Variants in ADGRL2 observed in about 807,000 individuals in gnomAD.
ADGRL2 encodes the protein adhesion G protein-coupled receptor L2.
A neutral mutation model predicts 157.4 loss-of-function variants in ADGRL2; 44 were observed. The observed-to-expected ratio is 0.28, with a 90% CI of 0.22 to 0.36. The LOEUF is 0.36. ADGRL2 is among the 10% of genes least tolerant of loss of function. The pLI, the probability that ADGRL2 is intolerant of heterozygous loss-of-function variation, is 1.00. For missense variants in ADGRL2, 1,510 were observed against 1,768.9 expected (o/e 0.85, Z 2.63); for synonymous variants, 585 against 624.7 (o/e 0.94, Z 0.95).
intron 1 of ADGRL2, among the ~76,000 whole-genome samples, chr1:81,401,977 G>A (rs1168847578): frequency 6.6e-6 from 1 of 150,452 alleles, no homozygotes; most frequent in Non-Finnish European, 1.5e-5. Context: ...ATTAAAATTA[G>A]TAATTGTTTG....
chr1:81,444,876 A>G (rs41292970), intron 1 of ADGRL2: 3 of 152,172 alleles, frequency 2.0e-5, no homozygotes, highest in African/African-American at 7.2e-5. Context: ...TCTAAATTCT[A>G]TTCTCTCTGT....
intron 1 of ADGRL2, among the ~76,000 whole-genome samples, chr1:81,307,687 T>C (rs546612603): frequency 8.7e-4 from 133 of 152,154 alleles, no homozygotes; most frequent in Non-Finnish European, 1.5e-3. Flanking sequence ...TATCCTCTGG[T>C]ATACTGAATA....
intron 2 of ADGRL2, among the ~76,000 whole-genome samples, chr1:81,576,870 A>G (rs1457061068): frequency 6.6e-6 from 1 of 152,186 alleles, no homozygotes; most frequent in East Asian, 1.9e-4. Flanking sequence ...TTTAACTTCC[A>G]GTACTTTCTC....
chr1:81,852,057 G>C (rs867382750), intron 2 of ADGRL2, among the ~76,000 whole-genome samples: 3 of 151,896 alleles, frequency 2.0e-5, no homozygotes, highest in South Asian at 2.1e-4. Context: ...CTCAGTAAAC[G>C]TAAGAATTTT....
rs2079362814 is a variant in ADGRL2 at position 81,523,091 on chromosome 1, T to A, written c.-247-57785T>A. On this transcript the variant is annotated intron_variant, in intron 2 of 24. Transcript: ENST00000370721. ...AACAAAAATATGAGCAAACACTATA[T>A]GACGGAAGTTCAAAAACTACTGAAG... 3.9e-5 allele frequency among the ~76,000 whole-genome samples: 6 copies of A among 152,044 alleles called. No individual in the cohort carries two copies. The South Asian group carries it at 1.2e-3, about 32-fold the overall frequency.
chr1:81,943,066 G>A lies in ADGRL2; in HGVS notation c.507G>A (p.Gln169=). ...GTGCTTGGTGCAAGGACCCTCTTCAGGCTGCAGATAAAATTTATTTCATGC... is the reference window on the plus strand; with the variant it reads ...GTGCTTGGTGCAAGGACCCTCTTCAAGCTGCAGATAAAATTTATTTCATGC... ...KAGAWCKDPL[Q]AADKIYFMPW... is the part of the protein sequence containing the mutation. Residue 169 remains glutamine, a synonymous_variant, in exon 6 of 24, where the codon CAG becomes CAA. Coordinates refer to ENST00000686636, the MANE Select transcript of ADGRL2 (RefSeq NM_001366006.2). This position sits in a 1 kb window ranked among gnomAD's most constrained non-coding sequence, Gnocchi z 5.6. The A allele has an allele frequency of 6.2e-7, 1 of 1,613,344 alleles. No homozygotes were observed. Among genetic ancestry groups the A allele is most frequent in the Non-Finnish European group, 8.5e-7 (1 of 1,179,518 alleles).
intron 2 of ADGRL2, among the ~76,000 whole-genome samples, chr1:81,528,797 G>A (rs770266413): frequency 4.6e-5 from 7 of 152,044 alleles, no homozygotes; most frequent in Non-Finnish European, 1.0e-4. Flanking sequence ...GTGGTTCATT[G>A]TTGGCTGATG....
chr1:81,742,205 C>T (rs2085094445), intron 1 of ADGRL2, among the ~76,000 whole-genome samples: 3 of 151,744 alleles, frequency 2.0e-5, no homozygotes, highest in South Asian at 2.1e-4. Context: ...CTACCTAGTT[C>T]GTTGGGCATA....
intron 3 of ADGRL2, among the ~76,000 whole-genome samples, chr1:81,601,841 T>G (rs528010665): frequency 6.6e-6 from 1 of 152,134 alleles, no homozygotes; most frequent in South Asian, 2.1e-4. Context: ...AAGGAAAGGG[T>G]TTTTAACAGT....
chr1:81,639,624 TCAGA>T (rs1300487935), intron 3 of ADGRL2, among the ~76,000 whole-genome samples: 1 of 147,144 alleles, frequency 6.8e-6, no homozygotes, highest in Non-Finnish European at 1.5e-5. Flanking sequence ...TATATTAATC[TCAGA>T]CAGAGCAGAC....
At chr1:81,722,721 G>A in intron 1 of ADGRL2, 17 of 945,344 alleles carry the variant, frequency 1.8e-5, no homozygotes, top group Middle Eastern at 6.4e-4. Context: ...CGTGAAGAGC[G>A]AGAGATCAAA....
intron 2 of ADGRL2, among the ~76,000 whole-genome samples, chr1:81,856,402 T>C (rs1436655265): frequency 1.1e-4 from 17 of 152,188 alleles, no homozygotes; most frequent in Admixed American, 1.1e-3. Context: ...CTTCTTTTTG[T>C]ATGAAGCCAC....
At chr1:81,953,101 T>G (rs1652372226) in intron 10 of ADGRL2, 76 bp downstream of exon 10, 16 of 1,236,790 alleles carry the variant, frequency 1.3e-5, no homozygotes, top group Non-Finnish European at 1.9e-5. Flanking sequence ...TGCTGCATGA[T>G]CCAATGTATT....
intron 1 of ADGRL2, among the ~76,000 whole-genome samples, chr1:81,390,531 C>T (rs1341594865): frequency 6.6e-6 from 1 of 151,274 alleles, no homozygotes; most frequent in Non-Finnish European, 1.5e-5. Context: ...CAGGAAAGCT[C>T]AAATAGCATG....
intron 1 of ADGRL2, among the ~76,000 whole-genome samples, chr1:81,355,756 T>C (rs10874219): frequency 0.28 from 42,013 of 152,016 alleles, 6,581 homozygotes; most frequent in East Asian, 0.62. Context: ...ACAGGTGTTC[T>C]GTAGGCAACA....
chr1:81,409,646 A>G (rs1330270487), intron 1 of ADGRL2, among the ~76,000 whole-genome samples: 2 of 152,242 alleles, frequency 1.3e-5, no homozygotes, highest in Non-Finnish European at 2.9e-5. Context: ...TAAATAAAGT[A>G]CATCTCTTCT....
chr1:81,507,946 G>A (rs753409093), intron 2 of ADGRL2, among the ~76,000 whole-genome samples: 18 of 152,016 alleles, frequency 1.2e-4, no homozygotes, highest in Non-Finnish European at 2.2e-4. Context: ...TAGTGTTAAA[G>A]GTTCTAAAAT....
upstream of ADGRL2, among the ~76,000 whole-genome samples, chr1:81,797,373 A>G (rs2087640919): frequency 6.6e-6 from 1 of 152,292 alleles, no homozygotes; most frequent in South Asian, 2.1e-4. Flanking sequence ...TACACTCCCC[A>G]TAATAGATAC....
chr1:81,708,494 T>A (rs2083815434), intron 1 of ADGRL2, among the ~76,000 whole-genome samples: 1 of 152,150 alleles, frequency 6.6e-6, no homozygotes, highest in Non-Finnish European at 1.5e-5. Flanking sequence ...CCTACACGCA[T>A]CTGCAGAAGT....
Sources: allele counts gnomAD v4.1 joint callset (sites outside exome capture counted in the v4.1 genomes callset), GRCh38; gene constraint gnomAD v4.1.1; non-coding constraint Gnocchi (gnomAD v3.1); transcripts MANE v1.5; gene names NCBI Gene and HGNC (gene_info 2026-07-23, HGNC 2026-07-21).